The following USF3 variants were observed in gnomAD, a reference collection of about 807,000 sequenced individuals.
USF3 encodes the protein upstream transcription factor family member 3, also known as basic helix-loop-helix domain-containing protein USF3.
A neutral mutation model predicts 157.5 loss-of-function variants in USF3; 29 were observed. The observed-to-expected ratio is 0.18, with a 90% CI of 0.14 to 0.25. The LOEUF (loss-of-function observed/expected upper bound fraction) is 0.25. Among genes scored for constraint, USF3 ranks in the 10% least tolerant of loss-of-function variants. The pLI is 1.00. For synonymous variants in USF3, 893 were observed against 941.4 expected, an observed-to-expected ratio of 0.95 and a Z score of 0.94; for missense variants, 2,381 against 2,667.6, an observed-to-expected ratio of 0.89 and a Z score of 2.37.
In USF3 at chr3:113,659,081, C is replaced by T. The variant is rs777424977; in HGVS notation, c.2601G>A (p.Leu867=). 11 of 1,614,124 alleles carry T rather than the reference C, an allele frequency of 6.8e-6. No homozygotes were observed. The highest frequency in any genetic ancestry group is 9.3e-6 in the Non-Finnish European group (11 of 1,180,016). The change falls in exon 7 of 7, where the codon TTG becomes TTA. Residue 867 remains leucine, a synonymous_variant. Transcript: ENST00000316407. ...TTAATGATTCAGAGCTTAGAACACC[C>T]AAAGAATGTGAAGCAGAAACACTCA... ...NSVSVSASHS[L]GVLSSESLIP... is the part of the protein sequence containing the mutation.
chr3:113,678,161 T>C (rs535530749), intron 1 of USF3, among the ~76,000 whole-genome samples: 3 of 152,184 alleles, frequency 2.0e-5, no homozygotes, highest in African/African-American at 7.2e-5. Flanking sequence ...CCCCAGGTGA[T>C]TCTGATAGGA....
intron 6 of USF3, 34 bp from the exon 7 acceptor site, chr3:113,661,459 T>A (rs1947484381): frequency 8.1e-7 from 1 of 1,227,030 alleles, no homozygotes; most frequent in African/African-American, 1.5e-5. Context: ...TATAAATACC[T>A]GAGAATGTCA....
At chr3:113,688,515 T>A (rs1429313830) in intron 1 of USF3, among the ~76,000 whole-genome samples, 1 of 152,224 alleles carries the variant, frequency 6.6e-6, no homozygotes, top group Admixed American at 6.5e-5. Flanking sequence ...TCATCAGAAT[T>A]ACCAGAATTC....
intron 4 of USF3, among the ~76,000 whole-genome samples, chr3:113,672,250 G>A (rs563576696): frequency 8.0e-5 from 12 of 150,588 alleles, no homozygotes; most frequent in African/African-American, 2.9e-4. Flanking sequence ...TCAGCCTCCT[G>A]AGTAGCTGGG....
chr3:113,669,692 G>T (rs981434186), intron 5 of USF3, among the ~76,000 whole-genome samples: 1 of 152,012 alleles, frequency 6.6e-6, no homozygotes, highest in African/African-American at 2.4e-5. Flanking sequence ...AGAGAACACT[G>T]TCATACTTTA....
At chr3:113,666,038 G>C (rs1947560105) in intron 5 of USF3, among the ~76,000 whole-genome samples, 2 of 151,730 alleles carry the variant, frequency 1.3e-5, no homozygotes, top group African/African-American at 2.4e-5. Flanking sequence ...TACAAAATTA[G>C]CAGGGCGTGG....
rs1293978917 is a variant in USF3 at position 113,660,818 on chromosome 3, CTCT to C, written c.861_863del (p.Glu288del). 1 of 1,614,112 alleles carries C rather than the reference CTCT, an allele frequency of 6.2e-7. No individual in the cohort carries two copies. The highest frequency in any genetic ancestry group is 2.2e-5 in the East Asian group (1 of 44,872). ...TCATTTTCTTCAATACTTTGGGGTT[CTCT>C]TGTCCATTCTTATTTTCAGAAGAAT... On this transcript the variant is annotated inframe_deletion, in exon 7 of 7. Coordinates refer to ENST00000316407, the MANE Select transcript of USF3 (RefSeq NM_001009899.4).
chr3:113,663,966 A>G (rs1223022321), intron 6 of USF3, among the ~76,000 whole-genome samples: 1 of 152,196 alleles, frequency 6.6e-6, no homozygotes, highest in African/African-American at 2.4e-5. Flanking sequence ...CACTGAGCAG[A>G]ACTCCCCCCT....
chr3:113,688,778 C>T lies in USF3; in HGVS notation c.-135+7592G>A, dbSNP rs577694191. 9.9e-5 allele frequency among the ~76,000 whole-genome samples: 15 copies of T among 152,270 alleles called. No individual in the cohort carries two copies. In the East Asian group the frequency reaches 1.7e-3, roughly 18 times the overall value. ...GATGCTGGCTGGGCGCGGTGGCTCA[C>T]GCCTGTAACCCCAGCACTTTGGGAG... On this transcript the variant is annotated intron_variant, in intron 1 of 6. Coordinates refer to ENST00000316407, the MANE Select transcript of USF3 (RefSeq NM_001009899.4).
Position 113,652,108 on chromosome 3 carries a change from A to AGAGTGTGTGTGTGTGTGTGTGTGT in USF3, c.*2835_*2836insACACACACACACACACACACACTC, listed in dbSNP as rs1266464109. The AGAGTGTGTGTGTGTGTGTGTGTGT allele has an allele frequency of 4.9e-5, 7 of 141,972 alleles. No individual in the cohort carries two copies. The highest frequency in any genetic ancestry group is 1.6e-4 in the African/African-American group (6 of 38,272). The allele number at this position is 141,972 out of a possible 1,614,324, so 8.8% of individuals were successfully genotyped here. ...TGGAGAGAGAGAGAGAGAGAGAGAGAGTGTGTGTGTGTGTGTGTGTGTGTG... is the reference window on the plus strand; with the variant it reads ...TGGAGAGAGAGAGAGAGAGAGAGAGAGAGTGTGTGTGTGTGTGTGTGTGTGTGTGTGTGTGTGTGTGTGTGTGTG... On this transcript the variant is annotated 3_prime_UTR_variant, in exon 7 of 7. Coordinates refer to ENST00000316407, the MANE Select transcript of USF3 (RefSeq NM_001009899.4).
intron 6 of USF3, 45 bp from the exon 7 acceptor site, chr3:113,661,470 G>T (rs1947484734): frequency 1.7e-6 from 2 of 1,145,992 alleles, no homozygotes; most frequent in Non-Finnish European, 2.4e-6. Context: ...GAGAATGTCA[G>T]TATTTACAAT....
At position 113,655,303 on chromosome 3, in the gene USF3, T is replaced by C; in HGVS notation, c.6379A>G (p.Ile2127Val). 2 of 1,614,112 alleles carry C rather than the reference T, an allele frequency of 1.2e-6. No homozygotes were observed. The highest frequency in any genetic ancestry group is 1.1e-5 in the South Asian group (1 of 91,072). The change falls in exon 7 of 7, where the codon ATC becomes GTC. Residue 2127 changes from isoleucine (I) to valine (V), a missense_variant. Coordinates refer to ENST00000316407, the MANE Select transcript of USF3 (RefSeq NM_001009899.4). ...AACATCTGATTAGGAAAATAGGGGA[T>C]TGAAATATCATTGGACAGTGTAGGA... ...AHPTLSNDIS[I>V]PYFPNQMFSN...
intron 1 of USF3, among the ~76,000 whole-genome samples, chr3:113,683,508 C>T (rs1163416230): frequency 6.0e-5 from 7 of 115,886 alleles, no homozygotes; most frequent in African/African-American, 1.7e-4. Context: ...CTCGCTCTGT[C>T]GCCAGGCTGG....
Position 113,661,105 on chromosome 3 carries a change from C to G in USF3, c.577G>C (p.Val193Leu). 1 of 1,614,176 alleles carries G rather than the reference C, an allele frequency of 6.2e-7. No homozygotes were observed. The highest frequency in any genetic ancestry group is 8.5e-7 in the Non-Finnish European group (1 of 1,180,002). The change falls in exon 7 of 7, where the codon GTG becomes CTG. Residue 193 changes from valine (V) to leucine (L), a missense_variant. Physicochemically the swap from Val to Leu is conservative, Grantham distance 32. Coordinates refer to ENST00000316407, the MANE Select transcript of USF3 (RefSeq NM_001009899.4). Reference protein sequence around the residue: ...VVPVQRTCNLVTPVSISGVYP... With the variant: ...VVPVQRTCNLLTPVSISGVYP... ...ACTCCAGAAATAGATACAGGAGTCACAAGATTGCAAGTCCTCTGTACTGGC... is the reference window on the plus strand; with the variant it reads ...ACTCCAGAAATAGATACAGGAGTCAGAAGATTGCAAGTCCTCTGTACTGGC...
chr3:113,660,569 C>T lies in USF3; in HGVS notation c.1113G>A (p.Val371=). Residue 371 remains valine, a synonymous_variant, in exon 7 of 7, where the codon GTG becomes GTA. Coordinates refer to ENST00000316407, the MANE Select transcript of USF3 (RefSeq NM_001009899.4). ...CTACTCCAGGGGCAGATGATGCCAC[C>T]ACTGTAGCTGTACTTGTCAAGTCTG... The part of the protein sequence containing the change: ...KSADLTSTAT[V]VASSAPGVGK... 6.2e-7 allele frequency: 1 copy of T among 1,614,186 alleles called. No homozygotes were observed. The highest frequency in any genetic ancestry group is 8.5e-7 in the Non-Finnish European group (1 of 1,180,026).
intron 1 of USF3, among the ~76,000 whole-genome samples, chr3:113,691,146 AC>A (rs1435999723): frequency 2.6e-5 from 4 of 152,174 alleles, no homozygotes; most frequent in Non-Finnish European, 5.9e-5. Context: ...CCAAGATCGC[AC>A]CACTGCACTC....
Position 113,661,089 on chromosome 3 carries a change from A to G in USF3, c.593T>C (p.Ile198Thr), listed in dbSNP as rs1947477034. 1 of 1,614,076 alleles carries G rather than the reference A, an allele frequency of 6.2e-7. No homozygotes were observed. Among genetic ancestry groups the G allele is most frequent in the African/African-American group, 1.3e-5 (1 of 74,926 alleles). Reference protein sequence around the residue: ...RTCNLVTPVSISGVYPSENKP... With the variant: ...RTCNLVTPVSTSGVYPSENKP... Reference sequence around the variant, plus strand: ...GTTTTCAGAAGGGTAAACTCCAGAAATAGATACAGGAGTCACAAGATTGCA... The same window carrying G: ...GTTTTCAGAAGGGTAAACTCCAGAAGTAGATACAGGAGTCACAAGATTGCA... Residue 198 changes from isoleucine (I) to threonine (T), a missense_variant, in exon 7 of 7, where the codon ATT becomes ACT. Transcript: ENST00000316407.
Position 113,660,634 on chromosome 3 carries a change from T to C in USF3, c.1048A>G (p.Thr350Ala), listed in dbSNP as rs770281701. 6 of 1,613,996 alleles carry C rather than the reference T, an allele frequency of 3.7e-6. No individual in the cohort carries two copies. In the South Asian group the frequency reaches 5.5e-5, roughly 15 times the overall value. The change falls in exon 7 of 7, where the codon ACT (threonine) becomes GCT (alanine). Residue 350 changes from threonine to alanine, a missense_variant. By Grantham distance (58) the Thr-to-Ala change is moderately conservative. Transcript: ENST00000316407. ...CTCATTGGAGAAGAATCACCTGCAG[T>C]TCTGGGAGGCTGCGAGCAGACTGTG... ...TTTVCSQPPRTAGDSSPMSIS... is the reference protein window; with the variant it reads ...TTTVCSQPPRAAGDSSPMSIS...
chr3:113,657,933 A>T lies in USF3; in HGVS notation c.3749T>A (p.Ile1250Asn). The change falls in exon 7 of 7, where the codon ATC (isoleucine) becomes AAC (asparagine). Residue 1250 changes from isoleucine (I) to asparagine (N), a missense_variant. This residue lies in a region of USF3 where 1,435 missense variants were observed against 1,550.9 expected (regional missense o/e 0.93). Transcript: ENST00000316407. ...SVNNLIHQSSISHPLASCAGL... is the reference protein window; with the variant it reads ...SVNNLIHQSSNSHPLASCAGL... ...CGCACAGCTGGCCAGAGGATGGCTG[A>T]TGCTGCTCTGATGGATAAGATTATT... The T allele has an allele frequency of 6.2e-7, 1 of 1,614,200 alleles. No homozygotes were observed. Among genetic ancestry groups the T allele is most frequent in the Non-Finnish European group, 8.5e-7 (1 of 1,180,044 alleles).
Sources: gnomAD v4.1 joint callset for allele counts (sites outside exome capture counted in the v4.1 genomes callset) on GRCh38, gnomAD v4.1.1 for gene constraint, gnomAD v4.1.1 regional missense constraint, MANE v1.5 for transcripts, NCBI Gene and HGNC (gene_info 2026-07-23, HGNC 2026-07-21) for gene names.